Variants in TMEM117 observed in about 807,000 individuals in gnomAD.
The protein encoded by TMEM117 is transmembrane protein 117.
Under a neutral mutation model 52.4 loss-of-function variants are expected in TMEM117, and 27 were observed. That is an observed-to-expected ratio of 0.51 (90% confidence interval 0.38 to 0.71). The LOEUF (loss-of-function observed/expected upper bound fraction) is 0.71, where lower values mean the gene tolerates loss of function less well. Among genes scored for constraint, TMEM117 ranks in the 30% least tolerant of loss-of-function variants. TMEM117 has a pLI of 0.00. For synonymous variants in TMEM117, 215 were observed against 206.3 expected, an observed-to-expected ratio of 1.04 and a Z score of -0.36; for missense variants, 556 against 630.5, an observed-to-expected ratio of 0.88 and a Z score of 1.26.
At chr12:44,332,359 C>A (rs1951282175) in intron 6 of TMEM117, among the ~76,000 whole-genome samples, 1 of 152,022 alleles carries the variant, frequency 6.6e-6, no homozygotes, top group Admixed American at 6.6e-5. Flanking sequence ...CTTTGAATAA[C>A]AAAGCCAGTC....
At chr12:44,367,523 T>C (rs1025753949) in intron 6 of TMEM117, among the ~76,000 whole-genome samples, 1 of 152,080 alleles carries the variant, frequency 6.6e-6, no homozygotes, top group Non-Finnish European at 1.5e-5. Flanking sequence ...TTCCAGCTTA[T>C]AAATGAGGGA....
intron 3 of TMEM117, among the ~76,000 whole-genome samples, chr12:44,107,544 G>C (rs957608037): frequency 6.6e-6 from 1 of 152,024 alleles, no homozygotes; most frequent in Non-Finnish European, 1.5e-5. Context: ...AGTTGACATG[G>C]AGATAGGAAA....
intron 6 of TMEM117, among the ~76,000 whole-genome samples, chr12:44,350,771 G>C (rs1022579952): frequency 6.6e-6 from 1 of 151,962 alleles, no homozygotes; most frequent in Non-Finnish European, 1.5e-5. Context: ...TCTGCTAATG[G>C]ACACATAAGT....
At chr12:44,071,083 A>T (rs1827231638) in intron 3 of TMEM117, among the ~76,000 whole-genome samples, 1 of 152,220 alleles carries the variant, frequency 6.6e-6, no homozygotes, top group African/African-American at 2.4e-5. Context: ...ATATTTCATT[A>T]GTTTTATAAA....
chr12:44,291,722 C>G (rs1950708183), intron 5 of TMEM117, among the ~76,000 whole-genome samples: 1 of 151,974 alleles, frequency 6.6e-6, no homozygotes, highest in African/African-American at 2.4e-5. Flanking sequence ...TGAATTTTAT[C>G]AAATGCTTTC....
At chr12:44,057,754 A>C (rs1022973991) in intron 3 of TMEM117, among the ~76,000 whole-genome samples, 2 of 152,158 alleles carry the variant, frequency 1.3e-5, no homozygotes, top group Admixed American at 1.3e-4. Context: ...CACATTGATA[A>C]GTTGTGTGGC....
intron 3 of TMEM117, among the ~76,000 whole-genome samples, chr12:44,108,308 A>C (rs1310432929): frequency 2.2e-3 from 293 of 135,344 alleles, no homozygotes; most frequent in Non-Finnish European, 4.0e-3. Context: ...GCACCCACTA[A>C]TGTGTCATCT....
intron 6 of TMEM117, among the ~76,000 whole-genome samples, chr12:44,316,291 T>A (rs1337543203): frequency 6.6e-6 from 1 of 152,196 alleles, no homozygotes; most frequent in South Asian, 2.1e-4. Flanking sequence ...AGCGTTTTTT[T>A]ATTGTTGGGG....
At chr12:43,888,197 C>T (rs1390485614) in intron 2 of TMEM117, among the ~76,000 whole-genome samples, 1 of 152,134 alleles carries the variant, frequency 6.6e-6, no homozygotes, top group African/African-American at 2.4e-5. Flanking sequence ...TAATACCTAC[C>T]TCACAGTATT....
intron 3 of TMEM117, chr12:44,008,805 T>G (rs1041768942): frequency 9.0e-6 from 4 of 445,806 alleles, no homozygotes; most frequent in African/African-American, 8.3e-5. Context: ...TCATGACATT[T>G]AAAGGACTTC....
rs79007657 is a variant in TMEM117 at position 44,017,326 on chromosome 12, C to CTTTT, written c.410+73000_410+73003dup. ...TCAAGCTTTTCCTTTTCTTTCTTTCCTTTTTTTTTTTTTTTTTTTGGTGAT... is the reference window on the plus strand; with the variant it reads ...TCAAGCTTTTCCTTTTCTTTCTTTCCTTTTTTTTTTTTTTTTTTTTTTTGGTGAT... On this transcript the variant is annotated intron_variant, in intron 3 of 7. Transcript: ENST00000266534. Among the ~76,000 whole-genome samples the CTTTT allele has an allele frequency of 3.9e-3, 383 of 97,078 alleles. 2 individuals are homozygous for CTTTT. Among genetic ancestry groups the CTTTT allele is most frequent in the African/African-American group, 0.015 (361 of 24,114 alleles). 63.7% of individuals were successfully genotyped at this position (97,078 alleles called of 152,430 possible).
chr12:44,270,819 TCA>T (rs1189334228), intron 5 of TMEM117, among the ~76,000 whole-genome samples: 1 of 152,142 alleles, frequency 6.6e-6, no homozygotes, highest in Non-Finnish European at 1.5e-5. Flanking sequence ...GGGTTTTTAA[TCA>T]TAAAGAGTTG....
At chr12:44,097,790 C>T (rs74525226) in intron 3 of TMEM117, among the ~76,000 whole-genome samples, 15,596 of 146,054 alleles carry the variant, frequency 0.11, 1,039 homozygotes, top group African/African-American at 0.18. Flanking sequence ...AATACACCAA[C>T]ATGGCACATG....
rs577014073 is a variant in TMEM117 at position 44,357,453 on chromosome 12, G to A, written c.769-19142G>A. ...AATGAATAAAGAAGCACAGCGAAGT[G>A]ACTAAGTCAGAGGAGGGACACTTAG... On this transcript the variant is annotated intron_variant, in intron 6 of 7. Coordinates refer to ENST00000266534, the MANE Select transcript of TMEM117 (RefSeq NM_032256.3). Among the ~76,000 whole-genome samples, 321 of 152,214 alleles carry A rather than the reference G, an allele frequency of 2.1e-3. 1 individual carries two copies. The highest frequency in any genetic ancestry group is 0.01 in the Middle Eastern group (3 of 294).
intron 6 of TMEM117, among the ~76,000 whole-genome samples, chr12:44,341,432 TA>T (rs1394360555): frequency 6.6e-6 from 1 of 152,144 alleles, no homozygotes; most frequent in Non-Finnish European, 1.5e-5. Flanking sequence ...CATGTTGCTG[TA>T]AAAGACATGA....
intron 4 of TMEM117, among the ~76,000 whole-genome samples, chr12:44,189,835 G>C (rs1368462463): frequency 6.6e-6 from 1 of 152,164 alleles, no homozygotes; most frequent in Non-Finnish European, 1.5e-5. Context: ...CAAATACATA[G>C]TTTAAGTCAT....
intron 6 of TMEM117, among the ~76,000 whole-genome samples, chr12:44,362,817 T>A (rs954980331): frequency 1.4e-5 from 2 of 146,652 alleles, no homozygotes; most frequent in African/African-American, 2.5e-5. Flanking sequence ...TTCTTTTTCT[T>A]TTTTTCTTTC....
At chr12:44,155,350 A>G (rs73290233) in intron 4 of TMEM117, among the ~76,000 whole-genome samples, 2,902 of 152,182 alleles carry the variant, frequency 0.019, 80 homozygotes, top group African/African-American at 0.066. Context: ...TCAAAATACC[A>G]TTGCATTTGA....
At chr12:44,172,332 G>A (rs1286952149) in intron 4 of TMEM117, among the ~76,000 whole-genome samples, 1 of 152,190 alleles carries the variant, frequency 6.6e-6, no homozygotes, top group Non-Finnish European at 1.5e-5. Context: ...GCCACTAGAG[G>A]AGGATCCTTT....
Sources: allele counts gnomAD v4.1 joint callset (sites outside exome capture counted in the v4.1 genomes callset), GRCh38; gene constraint gnomAD v4.1.1; transcripts MANE v1.5; gene names NCBI Gene and HGNC (gene_info 2026-07-23, HGNC 2026-07-21).